KCNT1: variants seen among roughly 807,000 people sequenced by gnomAD.
The protein encoded by KCNT1 is potassium sodium-activated channel subfamily T member 1.
In KCNT1, 78 loss-of-function variants were observed where a neutral mutation model predicts 147.8. That is an observed-to-expected ratio of 0.53 (90% CI 0.44 to 0.64). KCNT1 has a LOEUF of 0.64. Ranked by LOEUF, KCNT1 falls within the 30% of genes least tolerant of loss-of-function variation. KCNT1 has a pLI of 0.00. For missense variants in KCNT1, 1,419 were observed against 1,750.3 expected (o/e 0.81, Z 3.38); for synonymous variants, 867 against 748.8 (o/e 1.16, Z -2.58).
chr9:135,756,799 G>A (rs527973128), intron 6 of KCNT1, 74 bp from the exon 7 acceptor site: 46 of 1,241,990 alleles, frequency 3.7e-5, no homozygotes, highest in Non-Finnish European at 4.6e-5. Context: ...GTACCTGCCC[G>A]CGAGGCCTGT....
At chr9:135,767,563 C>A (rs1472720253) in intron 13 of KCNT1, among the ~76,000 whole-genome samples, 1 of 152,088 alleles carries the variant, frequency 6.6e-6, no homozygotes, top group Admixed American at 6.5e-5. Context: ...AGATTCCCCC[C>A]TCCCTCCTGC....
intron 17 of KCNT1, 84 bp downstream of exon 17, chr9:135,770,531 G>T: frequency 6.6e-7 from 1 of 1,507,180 alleles, no homozygotes; most frequent in African/African-American, 1.4e-5. Context: ...CAGGCACAGG[G>T]GTGGCCCTGG....
chr9:135,747,991 G>C (rs1256192913), intron 2 of KCNT1, among the ~76,000 whole-genome samples: 1 of 152,118 alleles, frequency 6.6e-6, no homozygotes, highest in African/African-American at 2.4e-5. Context: ...ACCTAGGCTA[G>C]GGTGCAGTGG....
intron 17 of KCNT1, 125 bp downstream of exon 17, chr9:135,770,572 A>G: frequency 8.0e-7 from 1 of 1,251,492 alleles, no homozygotes; most frequent in Non-Finnish European, 1.1e-6. Flanking sequence ...GGGGGAGGGC[A>G]TCAGGTCATC....
rs949187714 is a variant in KCNT1, at chr9:135,750,888, C to G, written c.335-54C>G. ...CAGCCAGACCCGGGTGCAGGCCCTG[C>G]TCCCCGAAGCCCAGAGCTGGGTCAG... is the stretch of plus-strand genomic sequence containing the variant. On this transcript the variant is annotated intron_variant, in intron 3 of 30. Coordinates refer to ENST00000371757, the MANE Select transcript of KCNT1 (RefSeq NM_020822.3). 4 of 1,542,702 alleles carry G rather than the reference C, an allele frequency of 2.6e-6. No individual in the cohort carries two copies. In the African/African-American group the frequency reaches 5.4e-5, roughly 21 times the overall value.
chr9:135,770,644 C>A (rs1832688602), intron 17 of KCNT1, among the ~76,000 whole-genome samples, 197 bp downstream of exon 17: 1 of 152,236 alleles, frequency 6.6e-6, no homozygotes, highest in South Asian at 2.1e-4. Context: ...TGCCACGCGG[C>A]TCCTCCCTGA....
intron 1 of KCNT1, among the ~76,000 whole-genome samples, chr9:135,706,349 A>C (rs1409803794): frequency 6.6e-6 from 1 of 152,252 alleles, no homozygotes; most frequent in African/African-American, 2.4e-5. Context: ...GATTCTTAAA[A>C]GTGGAATTGC....
intron 28 of KCNT1, 50 bp downstream of exon 28, chr9:135,785,380 C>T (rs751197712): frequency 1.6e-5 from 25 of 1,610,420 alleles, no homozygotes; most frequent in South Asian, 6.6e-5. Context: ...ACCAGAACAT[C>T]GCAGCTTCAC....
At chr9:135,711,157 T>C (rs905431540) in intron 1 of KCNT1, among the ~76,000 whole-genome samples, 2 of 152,220 alleles carry the variant, frequency 1.3e-5, no homozygotes, top group African/African-American at 4.8e-5. Flanking sequence ...CTCGCAGCAG[T>C]GCACAGATGA....
chr9:135,741,144 G>A (rs889038433), intron 2 of KCNT1, among the ~76,000 whole-genome samples: 4 of 152,212 alleles, frequency 2.6e-5, no homozygotes, highest in South Asian at 2.1e-4. Flanking sequence ...CAGGCTGTGG[G>A]ACATCTGACA....
chr9:135,779,850 C>T (rs1300519034), intron 24 of KCNT1, among the ~76,000 whole-genome samples: 1 of 152,252 alleles, frequency 6.6e-6, no homozygotes, highest in Non-Finnish European at 1.5e-5. Context: ...TGGCCAGTAG[C>T]TCTTAGTACA....
intron 2 of KCNT1, among the ~76,000 whole-genome samples, chr9:135,736,349 G>A (rs1830333566): frequency 2.0e-5 from 3 of 152,098 alleles, no homozygotes; most frequent in Admixed American, 1.3e-4. Context: ...CAGCCCTCGC[G>A]GCTCCTCCCC....
chr9:135,750,658 A>G, intron 3 of KCNT1: 3 of 545,630 alleles, frequency 5.5e-6, no homozygotes, highest in Non-Finnish European at 9.9e-6. Flanking sequence ...CCTGCTCCCC[A>G]ATCCCTATCC....
At chr9:135,780,218 AG>A (rs1376613682) in intron 24 of KCNT1, among the ~76,000 whole-genome samples, 1 of 152,088 alleles carries the variant, frequency 6.6e-6, no homozygotes, top group Non-Finnish European at 1.5e-5. Context: ...AGGCAGCCCT[AG>A]GCTGAGAGCA....
chr9:135,750,201 A>T (rs1296924847), intron 3 of KCNT1, 24 bp downstream of exon 3: 1 of 1,591,746 alleles, frequency 6.3e-7, no homozygotes, highest in East Asian at 2.2e-5. Flanking sequence ...CTGGAGGGCC[A>T]CTCCCAGGCA....
intron 2 of KCNT1, among the ~76,000 whole-genome samples, chr9:135,749,061 C>T (rs1830999516): frequency 6.6e-6 from 1 of 152,246 alleles, no homozygotes; most frequent in Non-Finnish European, 1.5e-5. Context: ...GCTGCAGGAA[C>T]CCTGGCTCTG....
In KCNT1 at chr9:135,738,954, G is replaced by A. The variant is rs573192201; in HGVS notation, c.255-11144G>A. On this transcript the variant is annotated intron_variant, in intron 2 of 30. Coordinates refer to ENST00000371757, the MANE Select transcript of KCNT1 (RefSeq NM_020822.3). ...TAAAAGTGCCCAATGGGGGGACAGGGCCTCTCAGTGAGACCCCGCTGCATC... is the reference window on the plus strand; with the variant it reads ...TAAAAGTGCCCAATGGGGGGACAGGACCTCTCAGTGAGACCCCGCTGCATC... Among the ~76,000 whole-genome samples, 10 of 152,240 alleles carry A rather than the reference G, an allele frequency of 6.6e-5. No individual in the cohort carries two copies. The East Asian group carries it at 1.7e-3, about 26-fold the overall frequency.
At chr9:135,762,587 A>C (rs1831990334) in intron 11 of KCNT1, among the ~76,000 whole-genome samples, 1 of 152,012 alleles carries the variant, frequency 6.6e-6, no homozygotes, top group African/African-American at 2.4e-5. Flanking sequence ...GTCTCTACCA[A>C]AAAATAGGAA....
chr9:135,748,172 G>A (rs916658977), intron 2 of KCNT1, among the ~76,000 whole-genome samples: 1 of 152,114 alleles, frequency 6.6e-6, no homozygotes, highest in African/African-American at 2.4e-5. Flanking sequence ...GGCCTCAAGC[G>A]ATCCTCCCAC....
Sources: allele counts gnomAD v4.1 joint callset (sites outside exome capture counted in the v4.1 genomes callset), GRCh38; gene constraint gnomAD v4.1.1; transcripts MANE v1.5; gene names NCBI Gene and HGNC (gene_info 2026-07-23, HGNC 2026-07-21).